Variants in SLC8A3 observed in about 807,000 individuals in gnomAD.
SLC8A3 encodes the protein solute carrier family 8 member A3.
In SLC8A3, 37 loss-of-function variants were observed where a neutral mutation model predicts 65.4. That is an observed-to-expected ratio of 0.57 (90% CI 0.44 to 0.74). The LOEUF is 0.74. Ranked by LOEUF, SLC8A3 falls within the 30% of genes least tolerant of loss-of-function variation. The pLI, the probability that SLC8A3 is intolerant of heterozygous loss-of-function variation, is 0.00. For synonymous variants in SLC8A3, 461 were observed against 444.5 expected (o/e 1.04, Z -0.47); for missense variants, 1,112 against 1,172.1 (o/e 0.95, Z 0.75).
intron 1 of SLC8A3, among the ~76,000 whole-genome samples, chr14:70,170,867 G>A (rs780057392): frequency 6.6e-6 from 1 of 152,100 alleles, no homozygotes; most frequent in South Asian, 2.1e-4. Flanking sequence ...ACAGGTGCTG[G>A]GACCTGTTGT....
chr14:70,158,504 T>G (rs1896707164), intron 2 of SLC8A3, among the ~76,000 whole-genome samples: 3 of 152,216 alleles, frequency 2.0e-5, no homozygotes, highest in African/African-American at 7.2e-5. Flanking sequence ...AAGTTACTAT[T>G]TGGATGTCAC....
chr14:70,058,189 A>T (rs778143227), intron 3 of SLC8A3, among the ~76,000 whole-genome samples: 5 of 152,188 alleles, frequency 3.3e-5, no homozygotes, highest in Admixed American at 2.0e-4. Context: ...CCATGCAAAG[A>T]CTATGCCATT....
chr14:70,167,768 T>A lies in SLC8A3; in HGVS notation c.655A>T (p.Met219Leu). 1 of 1,614,006 alleles carries A rather than the reference T, an allele frequency of 6.2e-7. No homozygotes were observed. The highest frequency in any genetic ancestry group is 8.5e-7 in the Non-Finnish European group (1 of 1,179,984). The change falls in exon 2 of 7, where the codon ATG becomes TTG. Residue 219 changes from methionine to leucine, a missense_variant. By Grantham distance (15) the Met-to-Leu change is conservative. Coordinates refer to ENST00000356921, the MANE Select transcript of SLC8A3 (RefSeq NM_182932.3). ...WSIFAYIWLY[M>L]ILAVFSPGVV... is the part of the protein sequence containing the mutation. ...CCAGGGGAGAAGACTGCCAGAATCA[T>A]ATAGAGCCAGATGTAGGCAAAGATA...
chr14:70,161,661 T>C (rs1896902855), intron 2 of SLC8A3, among the ~76,000 whole-genome samples: 1 of 152,138 alleles, frequency 6.6e-6, no homozygotes, highest in South Asian at 2.1e-4. Context: ...GTCTTGTGAC[T>C]CTCTCAAGCA....
At chr14:70,126,557 C>G (rs1034215794) in intron 2 of SLC8A3, among the ~76,000 whole-genome samples, 112 of 74,390 alleles carry the variant, frequency 1.5e-3, no homozygotes, top group Non-Finnish European at 2.9e-3. Context: ...TTCTCTCTCT[C>G]TCTCTCTCTC....
At chr14:70,160,699 G>T (rs749423787) in intron 2 of SLC8A3, among the ~76,000 whole-genome samples, 1 of 152,034 alleles carries the variant, frequency 6.6e-6, no homozygotes, top group Non-Finnish European at 1.5e-5. Context: ...GTTGTCAGGG[G>T]ATACCGCATG....
At chr14:70,079,282 G>C (rs536216981) in intron 2 of SLC8A3, among the ~76,000 whole-genome samples, 3 of 141,024 alleles carry the variant, frequency 2.1e-5, no homozygotes, top group African/African-American at 8.1e-5. Flanking sequence ...TCAGGAGTTC[G>C]AGACCAGCCT....
At chr14:70,053,102 G>A (rs1311945726) in intron 3 of SLC8A3, among the ~76,000 whole-genome samples, 1 of 152,248 alleles carries the variant, frequency 6.6e-6, no homozygotes, top group East Asian at 1.9e-4. Context: ...GTATGAGAGT[G>A]TGTGGAGACT....
intron 6 of SLC8A3, 149 bp downstream of exon 6, chr14:70,048,618 A>G (rs1887070945): frequency 1.4e-6 from 1 of 733,804 alleles, no homozygotes; most frequent in Non-Finnish European, 2.4e-6. Context: ...GTCATTATTC[A>G]TCTCTTTGAT....
chr14:70,086,401 C>CTTTTTTTTTTTTTTTTTTTTTTTT (rs10605312), intron 2 of SLC8A3, among the ~76,000 whole-genome samples: 1 of 116,148 alleles, frequency 8.6e-6, no homozygotes, highest in Non-Finnish European at 1.8e-5. Context: ...TTTCTTTTTT[C>CTTTTTTTTTTTTTTTTTTTTTTTT]TTTTTTTTTT....
At chr14:70,051,267 T>C (rs1887476708) in intron 4 of SLC8A3, among the ~76,000 whole-genome samples, 160 bp from the exon 5 acceptor site, 1 of 152,182 alleles carries the variant, frequency 6.6e-6, no homozygotes, top group Non-Finnish European at 1.5e-5. Flanking sequence ...AATCCTTCTA[T>C]TTCCCTTTGT....
At chr14:70,187,658 T>C (rs1883430470) in intron 1 of SLC8A3, among the ~76,000 whole-genome samples, 2 of 145,920 alleles carry the variant, frequency 1.4e-5, no homozygotes, top group South Asian at 4.4e-4. Flanking sequence ...CGCGTGTGTG[T>C]TGGGGGATCG....
At chr14:70,053,692 C>T (rs1277479847) in intron 3 of SLC8A3, among the ~76,000 whole-genome samples, 1 of 152,232 alleles carries the variant, frequency 6.6e-6, no homozygotes. Flanking sequence ...TACTTACTGA[C>T]CTGTCCACCT....
intron 2 of SLC8A3, among the ~76,000 whole-genome samples, chr14:70,162,023 T>G (rs995518454): frequency 4.0e-5 from 6 of 149,410 alleles, no homozygotes; most frequent in African/African-American, 1.5e-4. Flanking sequence ...GAGAAAGACT[T>G]TTTAAAAAAT....
rs140041128 is a variant in SLC8A3, at chr14:70,178,049, T to C, written c.-62-9565A>G. On this transcript the variant is annotated intron_variant, in intron 1 of 6. Coordinates refer to ENST00000356921, the MANE Select transcript of SLC8A3 (RefSeq NM_182932.3). ...GTTGGAGACCAATAGAAACAGAAGA[T>C]GATGGTGAAGAGGAATGAAGAGGCC... 1.1e-4 allele frequency among the ~76,000 whole-genome samples: 16 copies of C among 152,128 alleles called. No homozygotes were observed. In the East Asian group the frequency reaches 3.1e-3, roughly 29 times the overall value.
chr14:70,048,524 A>G (rs1377880922), intron 6 of SLC8A3: 2 of 626,396 alleles, frequency 3.2e-6, no homozygotes, highest in Non-Finnish European at 5.7e-6. Flanking sequence ...TTACAGGGGG[A>G]AAATGTAAAT....
At chr14:70,049,655 C>T (rs1887247407) in intron 5 of SLC8A3, among the ~76,000 whole-genome samples, 1 of 152,034 alleles carries the variant, frequency 6.6e-6, no homozygotes, top group Admixed American at 6.6e-5. Context: ...AAGGAGAATG[C>T]ACAGGCTGCA....
chr14:70,135,714 A>G (rs892376651), intron 2 of SLC8A3, among the ~76,000 whole-genome samples: 2 of 152,010 alleles, frequency 1.3e-5, no homozygotes, highest in African/African-American at 2.4e-5. Flanking sequence ...TCATGGTGGT[A>G]GAGAGTAGAT....
intron 3 of SLC8A3, among the ~76,000 whole-genome samples, chr14:70,058,793 C>A (rs763313951): frequency 1.3e-5 from 2 of 152,206 alleles, no homozygotes; most frequent in Non-Finnish European, 2.9e-5. Flanking sequence ...TTGTCTGGAA[C>A]CACTGCCTTC....
Sources: allele counts gnomAD v4.1 joint callset (sites outside exome capture counted in the v4.1 genomes callset), GRCh38; gene constraint gnomAD v4.1.1; transcripts MANE v1.5; gene names NCBI Gene and HGNC (gene_info 2026-07-23, HGNC 2026-07-21).